SNAP91: variants seen among roughly 807,000 people sequenced by gnomAD.
The protein encoded by SNAP91 is clathrin coat assembly protein AP180.
A neutral mutation model predicts 100.3 loss-of-function variants in SNAP91; 27 were observed. That is an observed-to-expected ratio of 0.27 (90% confidence interval 0.20 to 0.37). SNAP91 has a LOEUF of 0.37. Ranked by LOEUF, SNAP91 falls within the 10% of genes least tolerant of loss-of-function variation. SNAP91 has a pLI of 1.00. For synonymous variants in SNAP91, 404 were observed against 398.6 expected, an observed-to-expected ratio of 1.01 and a Z score of -0.16; for missense variants, 986 against 1,123.7, an observed-to-expected ratio of 0.88 and a Z score of 1.75.
chr6:83,624,298 A>G (rs1333013995), intron 8 of SNAP91, among the ~76,000 whole-genome samples: 2 of 152,152 alleles, frequency 1.3e-5, no homozygotes, highest in Admixed American at 6.5e-5. Flanking sequence ...TTCAAAGTGA[A>G]AAGTTGGGGA....
Position 83,593,685 on chromosome 6 carries a change from C to A in SNAP91, c.1489G>T (p.Ala497Ser). 6.2e-7 allele frequency: 1 copy of A among 1,609,866 alleles called. No individual in the cohort carries two copies. The change falls in exon 18 of 30, where the codon GCA becomes TCA. Residue 497 changes from alanine to serine, a missense_variant. Ala to Ser is a moderately conservative substitution (Grantham distance 99, BLOSUM62 1). Transcript: ENST00000369694. ...AEAAPELDLFAMKPPETSVPV... is the reference protein window; with the variant it reads ...AEAAPELDLFSMKPPETSVPV... Reference sequence around the variant, plus strand: ...ACACTGGTCTCAGGTGGCTTCATTGCAAAGAGGTCCAGCTCAGGTGCAGCC... The same window carrying A: ...ACACTGGTCTCAGGTGGCTTCATTGAAAAGAGGTCCAGCTCAGGTGCAGCC...
At chr6:83,657,064 C>T (rs2273365) in intron 6 of SNAP91, among the ~76,000 whole-genome samples, 199 bp from the exon 7 acceptor site, 10,040 of 152,138 alleles carry the variant, frequency 0.066, 344 homozygotes, top group Middle Eastern at 0.085. Context: ...TGAGGTTAGT[C>T]TTATCGATTA....
chr6:83,637,250 A>C (rs1431818833), intron 8 of SNAP91, among the ~76,000 whole-genome samples: 2 of 152,110 alleles, frequency 1.3e-5, no homozygotes, highest in East Asian at 3.9e-4. Context: ...TTCTTTGCTC[A>C]AAAGGGGGCT....
intron 13 of SNAP91, among the ~76,000 whole-genome samples, chr6:83,607,329 TTGTGTGTG>T (rs61335064): frequency 1.4e-4 from 21 of 144,890 alleles, no homozygotes; most frequent in Non-Finnish European, 1.8e-4. Flanking sequence ...CCAAGTTGGG[TTGTGTGTG>T]TGTGTGTGTG....
At chr6:83,673,781 GA>G in intron 2 of SNAP91, among the ~76,000 whole-genome samples, 1 of 152,294 alleles carries the variant, frequency 6.6e-6, no homozygotes, top group East Asian at 1.9e-4. Context: ...CTGCCCATCA[GA>G]AAGGCCAAAA....
At chr6:83,597,871 G>C (rs2094655697) in intron 16 of SNAP91, among the ~76,000 whole-genome samples, 1 of 152,196 alleles carries the variant, frequency 6.6e-6, no homozygotes, top group Non-Finnish European at 1.5e-5. Flanking sequence ...CTAGTTGAAA[G>C]TGTTTAATTA....
chr6:83,564,696 C>A (rs1328491670), intron 26 of SNAP91, among the ~76,000 whole-genome samples: 2 of 151,994 alleles, frequency 1.3e-5, no homozygotes, highest in Admixed American at 6.6e-5. Flanking sequence ...GATTCTGAGA[C>A]AACTGAACCT....
chr6:83,640,918 A>G (rs1174037811), intron 8 of SNAP91, among the ~76,000 whole-genome samples, 178 bp downstream of exon 8: 1 of 152,164 alleles, frequency 6.6e-6, no homozygotes, highest in East Asian at 1.9e-4. Context: ...TACAGCTCTG[A>G]GTGAGAAGTT....
At chr6:83,592,824 T>C (rs2128201249) in intron 20 of SNAP91, 122 bp downstream of exon 20, 1 of 811,184 alleles carries the variant, frequency 1.2e-6, no homozygotes, top group Non-Finnish European at 2.0e-6. Flanking sequence ...AGAGTGAGTT[T>C]TTCTTTTGAA....
chr6:83,577,830 C>A (rs1283900441), intron 24 of SNAP91, among the ~76,000 whole-genome samples: 2 of 152,070 alleles, frequency 1.3e-5, no homozygotes, highest in Non-Finnish European at 2.9e-5. Context: ...ACTTTTTTGT[C>A]ACCACAAAAA....
At chr6:83,659,335 C>G (rs751602497) in intron 5 of SNAP91, among the ~76,000 whole-genome samples, 1 of 151,510 alleles carries the variant, frequency 6.6e-6, no homozygotes, top group African/African-American at 2.4e-5. Context: ...AGAAAGCAAT[C>G]GGGTCTGGAT....
intron 2 of SNAP91, among the ~76,000 whole-genome samples, chr6:83,680,500 AC>A: frequency 6.6e-6 from 1 of 152,168 alleles, no homozygotes; most frequent in Non-Finnish European, 1.5e-5. Context: ...CAGCTTCACA[AC>A]TGTAGGATAT....
chr6:83,678,654 A>G, intron 2 of SNAP91: 1 of 888,826 alleles, frequency 1.1e-6, no homozygotes, highest in South Asian at 1.4e-5. Context: ...TCTATTTTTC[A>G]TTCCAAGGTT....
chr6:83,593,510 G>T lies in SNAP91; in HGVS notation c.1664C>A (p.Thr555Asn), dbSNP rs2094084004. Residue 555 changes from threonine (T) to asparagine (N), a missense_variant, in exon 18 of 30, where the codon ACC becomes AAC. By Grantham distance (65) the Thr-to-Asn change is moderately conservative. Coordinates refer to ENST00000369694, the MANE Select transcript of SNAP91 (RefSeq NM_001242792.2). ...GATATCTAGAGCAGGAGGAGCAGTG[G>T]TGGCGGTGGCAGCGGAGGTGGTGGT... ...TTTTTSAATATTAPPALDIFG... is the reference protein window; with the variant it reads ...TTTTTSAATANTAPPALDIFG... The T allele has an allele frequency of 3.2e-6, 5 of 1,552,544 alleles. No homozygotes were observed. Among genetic ancestry groups the T allele is most frequent in the Non-Finnish European group, 4.4e-6 (5 of 1,147,456 alleles).
chr6:83,709,337 C>T (rs1398952613), upstream of SNAP91: 1 of 152,324 alleles, frequency 6.6e-6, no homozygotes, highest in Non-Finnish European at 1.5e-5. Context: ...CAGCCAGCGG[C>T]TCTCCGCTGG....
At chr6:83,685,173 T>A (rs1164352385) in intron 2 of SNAP91, among the ~76,000 whole-genome samples, 2 of 152,196 alleles carry the variant, frequency 1.3e-5, no homozygotes, top group Non-Finnish European at 2.9e-5. Flanking sequence ...ATATACCCCA[T>A]GTTAACACAG....
At position 83,575,071 on chromosome 6, in the gene SNAP91, T is replaced by G. The variant is rs1216645324; in HGVS notation, c.2381A>C (p.Asn794Thr). ...AGEKKLTGGA[N>T]WQPKVAPATW... ...TGCTGGAGCTACTTTAGGCTGCCAG[T>G]TGGCTCCACCAGTCAACTTTTTCTC... The change falls in exon 26 of 30, where the codon AAC (asparagine) becomes ACC (threonine). Residue 794 changes from asparagine (N) to threonine (T), a missense_variant. Transcript: ENST00000369694. 6.2e-7 allele frequency: 1 copy of G among 1,607,144 alleles called. No individual in the cohort carries two copies. The highest frequency in any genetic ancestry group is 2.2e-5 in the East Asian group (1 of 44,762).
intron 8 of SNAP91, among the ~76,000 whole-genome samples, chr6:83,634,353 C>G (rs557573678): frequency 5.3e-5 from 8 of 150,930 alleles, no homozygotes; most frequent in Non-Finnish European, 1.0e-4. Flanking sequence ...TCTAGGCCTA[C>G]GGTTTCCCCA....
chr6:83,627,810 T>C (rs1053734189), intron 8 of SNAP91, among the ~76,000 whole-genome samples: 1 of 152,022 alleles, frequency 6.6e-6, no homozygotes, highest in African/African-American at 2.4e-5. Flanking sequence ...TTTATTTCAT[T>C]GATTCTTTGT....
Sources: gnomAD v4.1 joint callset for allele counts (sites outside exome capture counted in the v4.1 genomes callset) on GRCh38, gnomAD v4.1.1 for gene constraint, MANE v1.5 for transcripts, NCBI Gene and HGNC (gene_info 2026-07-23, HGNC 2026-07-21) for gene names.